Variants in MIOS observed in about 807,000 individuals in gnomAD.
MIOS encodes meiosis regulator for oocyte development, also known as GATOR2 complex protein MIOS.
Under a neutral mutation model 96.9 loss-of-function variants are expected in MIOS, and 52 were observed. The observed-to-expected ratio is 0.54, with a 90% CI of 0.43 to 0.68. MIOS has a LOEUF of 0.68. MIOS is among the 30% of genes least tolerant of loss of function. The probability of loss-of-function intolerance (pLI) is 0.00; values close to 1 mark genes in which losing one functional copy is unlikely to be tolerated. For missense variants in MIOS, 1,005 were observed against 1,052.8 expected (o/e 0.95, Z 0.63); for synonymous variants, 397 against 359.5 (o/e 1.10, Z -1.18).
Position 7,606,090 on chromosome 7 carries a change from CTTT to C in MIOS, c.2531+20_2531+22del. On this transcript the variant is annotated intron_variant, in intron 12 of 12. Transcript: ENST00000340080. ...GGTTCAGGTAATCAGCACATTTCTT[CTTT>C]GATAGGCTTGGAGTTATGGGGGATA... The C allele has an allele frequency of 1.2e-6, 2 of 1,612,260 alleles. No individual in the cohort carries two copies. Among genetic ancestry groups the C allele is most frequent in the Non-Finnish European group, 1.7e-6 (2 of 1,178,934 alleles).
At chr7:7,589,699 T>C (rs1037912554) in intron 9 of MIOS, 136 bp downstream of exon 9, 2 of 877,810 alleles carry the variant, frequency 2.3e-6, no homozygotes, top group East Asian at 5.3e-5. Context: ...TCAGTTGATC[T>C]ACTGAAGACT....
Position 7,574,823 on chromosome 7 carries a change from T to C in MIOS, c.1393+627T>C, listed in dbSNP as rs181250981. Among the ~76,000 whole-genome samples the C allele has an allele frequency of 1.2e-4, 19 of 152,234 alleles. No homozygotes were observed. The East Asian group carries it at 3.5e-3, about 28-fold the overall frequency. ...TGACTGCTTTAAACAGTTGTTCCTA[T>C]TCTTTTACTGGAATTGAATAATGGG... On this transcript the variant is annotated intron_variant, in intron 5 of 12. Transcript: ENST00000340080.
intron 11 of MIOS, among the ~76,000 whole-genome samples, chr7:7,601,710 C>T (rs1019674246): frequency 1.1e-4 from 17 of 152,006 alleles, no homozygotes; most frequent in African/African-American, 3.4e-4. Context: ...GAATCCTCCC[C>T]AACTCATTTT....
At chr7:7,604,884 T>C (rs1784482067) in intron 11 of MIOS, among the ~76,000 whole-genome samples, 1 of 151,814 alleles carries the variant, frequency 6.6e-6, no homozygotes, top group Non-Finnish European at 1.5e-5. Flanking sequence ...GTAGTGTACA[T>C]ATCAGATCTA....
At chr7:7,589,101 T>C (rs578033712) in intron 8 of MIOS, among the ~76,000 whole-genome samples, 1 of 152,248 alleles carries the variant, frequency 6.6e-6, no homozygotes, top group African/African-American at 2.4e-5. Context: ...ACTACTATGA[T>C]AGACAGCAAA....
chr7:7,597,692 TG>T (rs1328849302), intron 11 of MIOS, among the ~76,000 whole-genome samples: 18 of 149,932 alleles, frequency 1.2e-4, no homozygotes, highest in South Asian at 2.1e-4. Context: ...TGTTCGTTTT[TG>T]TTTGTTTGTT....
chr7:7,599,090 AAAAT>A (rs1238580377), intron 11 of MIOS, among the ~76,000 whole-genome samples: 2 of 152,168 alleles, frequency 1.3e-5, no homozygotes, highest in African/African-American at 4.8e-5. Flanking sequence ...TATTTTCTAG[AAAAT>A]AAATACTGGT....
chr7:7,570,513 T>C (rs1332909533), intron 3 of MIOS, among the ~76,000 whole-genome samples: 1 of 152,060 alleles, frequency 6.6e-6, no homozygotes, highest in Non-Finnish European at 1.5e-5. Context: ...GCGCATTACA[T>C]TTATTGTGCA....
chr7:7,586,987 CCTT>C, intron 7 of MIOS, among the ~76,000 whole-genome samples: 1 of 49,892 alleles, frequency 2.0e-5, no homozygotes, highest in Admixed American at 3.7e-4. Context: ...CTTTTCTTTC[CCTT>C]TTTTTTTTTT....
chr7:7,585,522 C>A, intron 6 of MIOS, 114 bp from the exon 7 acceptor site: 1 of 859,090 alleles, frequency 1.2e-6, no homozygotes, highest in Non-Finnish European at 1.6e-6. Context: ...ATTCTCTGAG[C>A]TCATTTTTCT....
At chr7:7,592,598 G>A (rs759227462) in intron 9 of MIOS, among the ~76,000 whole-genome samples, 6 of 151,916 alleles carry the variant, frequency 3.9e-5, no homozygotes, top group Non-Finnish European at 8.8e-5. Context: ...TTATTTTCCT[G>A]CAACTAGATG....
intron 5 of MIOS, among the ~76,000 whole-genome samples, chr7:7,575,561 C>T (rs1053760001): frequency 1.3e-5 from 2 of 152,054 alleles, no homozygotes; most frequent in African/African-American, 4.8e-5. Context: ...ATTTTAGAGC[C>T]ATTGCCTATT....
In MIOS at chr7:7,589,551, C is replaced by T. The variant is rs1563032309; in HGVS notation, c.2031C>T (p.Tyr677=). The part of the protein sequence containing the change: ...DRTGDVQTAS[Y]CMLQGSPLDV... Reference sequence around the variant, plus strand: ...CTGGAGATGTTCAAACAGCAAGTTACTGTATGTTACAGGTCAGTGCAGTTT... The same window carrying T: ...CTGGAGATGTTCAAACAGCAAGTTATTGTATGTTACAGGTCAGTGCAGTTT... Residue 677 remains tyrosine (Y), a synonymous_variant, in exon 9 of 13, where the codon TAC becomes TAT. Coordinates refer to ENST00000340080, the MANE Select transcript of MIOS (RefSeq NM_019005.4). The T allele has an allele frequency of 1.2e-6, 2 of 1,611,336 alleles. No homozygotes were observed. The highest frequency in any genetic ancestry group is 1.7e-5 in the Admixed American group (1 of 59,936).
intron 11 of MIOS, among the ~76,000 whole-genome samples, chr7:7,597,468 TTATA>T (rs1160646084): frequency 5.8e-3 from 68 of 11,650 alleles, no homozygotes; most frequent in African/African-American, 0.022. Flanking sequence ...CCTAGTAAAT[TTATA>T]TATATATATA....
rs2051911 is a variant in MIOS, at chr7:7,607,679, T to C, written c.*587T>C. On this transcript the variant is annotated 3_prime_UTR_variant, in exon 13 of 13. Coordinates refer to ENST00000340080, the MANE Select transcript of MIOS (RefSeq NM_019005.4). ...TTATGTGTGTATGTATAAATATGTA[T>C]TTTTTAAAGGAGCCTTTTCCCTCCT... 122,476 of 152,064 alleles carry C rather than the reference T, an allele frequency of 0.81. 49,850 individuals carry two copies. Among genetic ancestry groups the C allele is most frequent in the East Asian group, 0.93 (4,811 of 5,184 alleles). 9.4% of individuals were successfully genotyped at this position (152,064 alleles called of 1,614,324 possible).
intron 10 of MIOS, among the ~76,000 whole-genome samples, chr7:7,595,531 AT>A (rs546278519): frequency 3.3e-5 from 5 of 151,592 alleles, no homozygotes; most frequent in Admixed American, 6.6e-5. Context: ...ACACATGGAA[AT>A]TTTTTTTTAG....
intron 9 of MIOS, among the ~76,000 whole-genome samples, chr7:7,591,022 A>G (rs113409569): frequency 2.6e-5 from 4 of 152,260 alleles, no homozygotes; most frequent in African/African-American, 9.6e-5. Context: ...TTTGTCTTTT[A>G]TGTAAATTAT....
chr7:7,595,431 A>G (rs893742551), intron 10 of MIOS, among the ~76,000 whole-genome samples: 3 of 152,166 alleles, frequency 2.0e-5, no homozygotes, highest in Admixed American at 6.5e-5. Context: ...CCACTTGTGT[A>G]TTAAGTTTTT....
At chr7:7,601,034 A>G (rs1784360565) in intron 11 of MIOS, among the ~76,000 whole-genome samples, 2 of 149,956 alleles carry the variant, frequency 1.3e-5, no homozygotes, top group African/African-American at 4.9e-5. Context: ...ACAAAGACAC[A>G]ACATACCAGA....
Sources: allele counts gnomAD v4.1 joint callset (sites outside exome capture counted in the v4.1 genomes callset), GRCh38; gene constraint gnomAD v4.1.1; transcripts MANE v1.5; gene names NCBI Gene and HGNC (gene_info 2026-07-23, HGNC 2026-07-21).